The following RIMBP2 variants were observed in gnomAD, a reference collection of about 807,000 sequenced individuals.
The protein encoded by RIMBP2 is RIMS-binding protein 2.
A neutral mutation model predicts 118.6 loss-of-function variants in RIMBP2; 48 were observed. That is an observed-to-expected ratio of 0.40 (90% CI 0.32 to 0.51). The LOEUF is 0.51. Among genes scored for constraint, RIMBP2 ranks in the 20% least tolerant of loss-of-function variants. The pLI is 0.41. For missense variants in RIMBP2, 1,551 were observed against 1,768.3 expected, an observed-to-expected ratio of 0.88 and a Z score of 2.20; for synonymous variants, 762 against 742.9, an observed-to-expected ratio of 1.03 and a Z score of -0.42.
intron 18 of RIMBP2, 99 bp downstream of exon 18, chr12:130,414,026 G>T (rs1161156845): frequency 8.6e-6 from 11 of 1,282,172 alleles, no homozygotes; most frequent in Non-Finnish European, 1.2e-5. Context: ...TGCAGGAGAA[G>T]GCCATCTCTA....
chr12:130,687,412 C>T (rs1248652292), intron 1 of RIMBP2, among the ~76,000 whole-genome samples: 1 of 152,170 alleles, frequency 6.6e-6, no homozygotes, highest in Admixed American at 6.5e-5. Flanking sequence ...CAGTCGCCCA[C>T]GCCCCCCAGC....
rs779625502 is a variant in RIMBP2 at position 130,581,198 on chromosome 12, AG to A, written c.-217+47123del. ...CAAAAGAGACTAGCTCAAGGGTGGC[AG>A]CCTCTGGGTCATCAACTGAAATGCC... On this transcript the variant is annotated intron_variant, in intron 2 of 22. Coordinates refer to ENST00000690449, the MANE Select transcript of RIMBP2 (RefSeq NM_001393629.1). The surrounding 1 kb of genome is among the most constrained non-coding windows in gnomAD (Gnocchi z 4.4). Among the ~76,000 whole-genome samples the A allele has an allele frequency of 2.0e-5, 3 of 152,124 alleles. No individual in the cohort carries two copies. The highest frequency in any genetic ancestry group is 4.4e-5 in the Non-Finnish European group (3 of 68,030).
chr12:130,626,416 G>C (rs1366959702), intron 2 of RIMBP2, among the ~76,000 whole-genome samples: 1 of 128,582 alleles, frequency 7.8e-6, no homozygotes, highest in East Asian at 2.3e-4. Flanking sequence ...ATCACCATCA[G>C]CTCCTCCATC....
intron 2 of RIMBP2, among the ~76,000 whole-genome samples, chr12:130,559,318 C>A (rs2056625341): frequency 6.6e-6 from 1 of 152,164 alleles, no homozygotes; most frequent in African/African-American, 2.4e-5. Context: ...CACCCCCTAC[C>A]CCATGCCCTG....
At chr12:130,557,962 C>G (rs1407341237) in intron 2 of RIMBP2, among the ~76,000 whole-genome samples, 1 of 152,072 alleles carries the variant, frequency 6.6e-6, no homozygotes, top group Non-Finnish European at 1.5e-5. Context: ...CCTGAAAAGT[C>G]GGGCGATAAT....
chr12:130,608,227 G>A (rs527387766), intron 2 of RIMBP2, among the ~76,000 whole-genome samples: 1 of 152,338 alleles, frequency 6.6e-6, no homozygotes, highest in South Asian at 2.1e-4. Flanking sequence ...CAAGCTTACG[G>A]CTGAATAAAA....
rs143453396 is a variant in RIMBP2, at chr12:130,571,056, A to G, written c.-216-53139T>C. On this transcript the variant is annotated intron_variant, in intron 2 of 22. Coordinates refer to ENST00000690449, the MANE Select transcript of RIMBP2 (RefSeq NM_001393629.1). ...AACTGAGAAAAAAATGTCACGAGAA[A>G]AAACGTGCTGCGGTCATTGTTTTGG... Among the ~76,000 whole-genome samples, 635 of 152,296 alleles carry G rather than the reference A, an allele frequency of 4.2e-3. 5 individuals carry two copies. Among genetic ancestry groups the G allele is most frequent in the African/African-American group, 0.015 (604 of 41,556 alleles).
At chr12:130,397,837 C>T in intron 22 of RIMBP2, 1 of 239,392 alleles carries the variant, frequency 4.2e-6, no homozygotes, top group Non-Finnish European at 8.0e-6. Context: ...TAAATGAAGA[C>T]TAAGGGCAGG....
chr12:130,627,704 C>G (rs1382564832), intron 2 of RIMBP2, among the ~76,000 whole-genome samples: 1 of 152,164 alleles, frequency 6.6e-6, no homozygotes, highest in Non-Finnish European at 1.5e-5. Flanking sequence ...CCATTCTTGT[C>G]ACCCCCTTGC....
At chr12:130,566,200 C>G (rs2057207987) in intron 2 of RIMBP2, among the ~76,000 whole-genome samples, 1 of 151,930 alleles carries the variant, frequency 6.6e-6, no homozygotes, top group Non-Finnish European at 1.5e-5. Flanking sequence ...CACACACACA[C>G]TCACTCAACA....
intron 4 of RIMBP2, among the ~76,000 whole-genome samples, chr12:130,484,573 T>A (rs1745678126): frequency 1.3e-5 from 2 of 152,196 alleles, no homozygotes. Context: ...CCCCACTGTG[T>A]CCCTGTCCCC....
At chr12:130,566,895 T>G (rs1426845400) in intron 2 of RIMBP2, among the ~76,000 whole-genome samples, 1 of 152,226 alleles carries the variant, frequency 6.6e-6, no homozygotes, top group Non-Finnish European at 1.5e-5. Context: ...ATTAAGGGAT[T>G]ATCACTCCAG....
At chr12:130,417,932 G>A (rs2076198946) in intron 17 of RIMBP2, among the ~76,000 whole-genome samples, 1 of 152,094 alleles carries the variant, frequency 6.6e-6, no homozygotes. Context: ...AACACCATCA[G>A]GGAAGCAAGT....
intron 2 of RIMBP2, among the ~76,000 whole-genome samples, chr12:130,612,461 G>T (rs1200621766): frequency 1.3e-5 from 2 of 152,184 alleles, no homozygotes; most frequent in Non-Finnish European, 2.9e-5. Flanking sequence ...ACAAAGTTTG[G>T]CCTGGCTGCT....
At position 130,456,500 on chromosome 12, in the gene RIMBP2, G is replaced by C. The variant is rs756675845; in HGVS notation, c.354C>G (p.Gly118=). 6.3e-7 allele frequency: 1 copy of C among 1,584,142 alleles called. No individual in the cohort carries two copies. The highest frequency in any genetic ancestry group is 8.6e-7 in the Non-Finnish European group (1 of 1,159,842). The stretch of plus-strand genomic sequence containing the variant: ...GCGGAAGGTCCAGGCGCTTACCTTT[G>C]CCGAGGGAGGTGGCTAGGCCATTCA... ...QFMNGLATSL[G]KGQESAIGGS... is the part of the protein sequence containing the mutation. Residue 118 remains glycine (G), a synonymous_variant, in exon 7 of 23, where the codon GGC becomes GGG. Transcript: ENST00000690449.
chr12:130,517,093 G>A (rs1433424085), intron 3 of RIMBP2, among the ~76,000 whole-genome samples: 1 of 152,156 alleles, frequency 6.6e-6, no homozygotes, highest in African/African-American at 2.4e-5. Flanking sequence ...CCTTTAAGAG[G>A]TGACTGAATC....
intron 1 of RIMBP2, among the ~76,000 whole-genome samples, chr12:130,648,371 C>CT (rs2063080426): frequency 6.9e-6 from 1 of 145,148 alleles, no homozygotes; most frequent in African/African-American, 2.5e-5. Flanking sequence ...ATCATCTTAT[C>CT]TTTTAGAATT....
chr12:130,572,565 T>G (rs944951352), intron 2 of RIMBP2, among the ~76,000 whole-genome samples: 1 of 152,042 alleles, frequency 6.6e-6, no homozygotes, highest in African/African-American at 2.4e-5. Context: ...TGCTGGATGA[T>G]TCTAGAAAGC....
rs36196070 is a variant in RIMBP2 at position 130,664,365 on chromosome 12, G to GCACGTGCATGCACGCACGCGCATGCACA, written c.-351-35937_-351-35910dup. ...TACACACACACATGCACACACATAT[G>GCACGTGCATGCACGCACGCGCATGCACA]CACGTGCATGCACGCACGCGCATGC... On this transcript the variant is annotated intron_variant, in intron 1 of 22. Transcript: ENST00000690449. Among the ~76,000 whole-genome samples, 182 of 127,012 alleles carry GCACGTGCATGCACGCACGCGCATGCACA rather than the reference G, an allele frequency of 1.4e-3. 7 individuals are homozygous for GCACGTGCATGCACGCACGCGCATGCACA. Among genetic ancestry groups the GCACGTGCATGCACGCACGCGCATGCACA allele is most frequent in the African/African-American group, 4.5e-3 (165 of 36,366 alleles). 83.3% of individuals were successfully genotyped at this position (127,012 alleles called of 152,430 possible). A position where few individuals can be genotyped will look rare whatever the true frequency, so the allele number is the denominator to read the frequency against.
Sources: allele counts gnomAD v4.1 joint callset (sites outside exome capture counted in the v4.1 genomes callset), GRCh38; gene constraint gnomAD v4.1.1; non-coding constraint Gnocchi (gnomAD v3.1); transcripts MANE v1.5; gene names NCBI Gene and HGNC (gene_info 2026-07-23, HGNC 2026-07-21).